Variants in ARHGAP10 observed in about 807,000 individuals in gnomAD.
ARHGAP10 encodes the protein Rho GTPase activating protein 10, also known as rho GTPase-activating protein 10.
A neutral mutation model predicts 108.6 loss-of-function variants in ARHGAP10; 87 were observed. The ratio of observed to expected loss-of-function variants is 0.80; its 90% CI spans 0.67 to 0.96. The LOEUF is 0.96. Ranked by LOEUF, ARHGAP10 falls within the 40% of genes least tolerant of loss-of-function variation. The pLI is 0.00. For missense variants in ARHGAP10, 939 were observed against 954.5 expected (o/e 0.98, Z 0.21); for synonymous variants, 347 against 341.1 (o/e 1.02, Z -0.19).
intron 13 of ARHGAP10, among the ~76,000 whole-genome samples, chr4:147,935,918 C>A (rs1026995811): frequency 2.0e-5 from 3 of 152,196 alleles, no homozygotes; most frequent in African/African-American, 7.2e-5. Context: ...GCAATTACTT[C>A]TCTCAGGTTG....
At chr4:147,926,581 T>TGA (rs1335684976) in intron 13 of ARHGAP10, among the ~76,000 whole-genome samples, 1 of 152,212 alleles carries the variant, frequency 6.6e-6, no homozygotes, top group African/African-American at 2.4e-5. Flanking sequence ...AGAAATAGAA[T>TGA]GAAAGCAAGA....
intron 1 of ARHGAP10, among the ~76,000 whole-genome samples, chr4:147,790,174 C>T (rs1321518046): frequency 6.6e-6 from 1 of 152,002 alleles, no homozygotes; most frequent in Non-Finnish European, 1.5e-5. Context: ...TCCTGACTTG[C>T]ACGCCACCTT....
chr4:147,851,849 T>C (rs969505917), intron 4 of ARHGAP10, among the ~76,000 whole-genome samples: 1 of 152,178 alleles, frequency 6.6e-6, no homozygotes, highest in African/African-American at 2.4e-5. Flanking sequence ...TGTCCTGGGA[T>C]GTACTCTACC....
At chr4:147,952,355 A>G (rs999246439) in intron 15 of ARHGAP10, among the ~76,000 whole-genome samples, 1 of 152,168 alleles carries the variant, frequency 6.6e-6, no homozygotes, top group East Asian at 1.9e-4. Flanking sequence ...AAGTTGATGT[A>G]TTTCTTTACA....
At chr4:147,902,512 T>TGTCAGGAGTGACCTG (rs1560818113) in intron 10 of ARHGAP10, among the ~76,000 whole-genome samples, 1 of 152,110 alleles carries the variant, frequency 6.6e-6, no homozygotes, top group Non-Finnish European at 1.5e-5. Context: ...CCGATCACCT[T>TGTCAGGAGTGACCTG]GTCAGGAGTG....
chr4:147,841,895 C>G (rs1404104244), intron 3 of ARHGAP10, among the ~76,000 whole-genome samples: 1 of 152,132 alleles, frequency 6.6e-6, no homozygotes, highest in African/African-American at 2.4e-5. Flanking sequence ...AATTTGCTTA[C>G]CGATCTGAAG....
rs746561016 is a variant in ARHGAP10, at chr4:147,732,316, C to T, written c.15C>T (p.Pro5=). The T allele has an allele frequency of 3.7e-6, 6 of 1,612,346 alleles. No homozygotes were observed. The highest frequency in any genetic ancestry group is 2.2e-5 in the South Asian group (2 of 90,960). MGLQ[P]LEFSDCYLDS... Reference sequence around the variant, plus strand: ...CCGCTGCCGTCATGGGGCTGCAGCCCCTGGAGTTCAGCGACTGCTACCTCG... The same window carrying T: ...CCGCTGCCGTCATGGGGCTGCAGCCTCTGGAGTTCAGCGACTGCTACCTCG... Residue 5 remains proline (P), a synonymous_variant, in exon 1 of 23, where the codon CCC becomes CCT. Coordinates refer to ENST00000336498, the MANE Select transcript of ARHGAP10 (RefSeq NM_024605.4).
intron 6 of ARHGAP10, chr4:147,865,961 A>C (rs769678391): frequency 6.6e-6 from 1 of 152,244 alleles, no homozygotes; most frequent in Non-Finnish European, 1.5e-5. Flanking sequence ...CAATGAGGAG[A>C]TAAGGAAATA....
chr4:147,881,624 C>T lies in ARHGAP10; in HGVS notation c.940-214C>T, dbSNP rs983180337. Among the ~76,000 whole-genome samples, 11 of 152,206 alleles carry T rather than the reference C, an allele frequency of 7.2e-5. No individual in the cohort carries two copies. The South Asian group carries it at 8.3e-4, about 11-fold the overall frequency. ...CTGCACTCCAGCCTGGGTGAAAGAG[C>T]GAGGCTCCCTTCTCAAAAGAATCAG... On this transcript the variant is annotated intron_variant, in intron 9 of 22. Transcript: ENST00000336498.
At chr4:147,921,390 G>T (rs1270842324) in intron 13 of ARHGAP10, among the ~76,000 whole-genome samples, 2 of 152,174 alleles carry the variant, frequency 1.3e-5, no homozygotes, top group East Asian at 1.9e-4. Flanking sequence ...TGACGATTGG[G>T]TCTCTCTGCT....
At chr4:147,880,741 A>C (rs911918290) in intron 9 of ARHGAP10, among the ~76,000 whole-genome samples, 2 of 152,180 alleles carry the variant, frequency 1.3e-5, no homozygotes, top group Non-Finnish European at 2.9e-5. Context: ...TCACATAGGG[A>C]AGAGAGAAAT....
intron 18 of ARHGAP10, among the ~76,000 whole-genome samples, chr4:147,994,830 G>T (rs1407847759): frequency 6.6e-6 from 1 of 152,186 alleles, no homozygotes. Context: ...GTGGAAATGG[G>T]GGGAAATGAC....
chr4:147,745,789 C>CA (rs1728891585), intron 1 of ARHGAP10, among the ~76,000 whole-genome samples: 1 of 71,758 alleles, frequency 1.4e-5, no homozygotes, highest in Admixed American at 1.9e-4. Context: ...CTGTGCCCGG[C>CA]CTTTTTTTTT....
At chr4:147,865,144 G>C (rs771018959) in intron 6 of ARHGAP10, 188 bp downstream of exon 6, 12 of 556,476 alleles carry the variant, frequency 2.2e-5, no homozygotes, top group Non-Finnish European at 3.5e-5. Context: ...GTGGTTCTCA[G>C]CTGTATTTGC....
At chr4:147,980,497 TTTG>T (rs963536896) in intron 18 of ARHGAP10, among the ~76,000 whole-genome samples, 30 of 152,174 alleles carry the variant, frequency 2.0e-4, no homozygotes, top group African/African-American at 7.2e-4. Flanking sequence ...CATGTAGTTT[TTTG>T]TTGTTGTTTT....
At chr4:147,947,477 A>G (rs999134497) in intron 15 of ARHGAP10, among the ~76,000 whole-genome samples, 1 of 151,716 alleles carries the variant, frequency 6.6e-6, no homozygotes, top group Non-Finnish European at 1.5e-5. Context: ...ATCTTGGCTC[A>G]CTGCAACCTC....
intron 20 of ARHGAP10, among the ~76,000 whole-genome samples, chr4:148,050,612 A>G (rs1729094975): frequency 6.6e-6 from 1 of 151,880 alleles, no homozygotes; most frequent in Non-Finnish European, 1.5e-5. Context: ...TGACCTCGTG[A>G]TCCACCCACC....
chr4:148,052,125 T>C (rs1439648727), intron 20 of ARHGAP10, among the ~76,000 whole-genome samples: 3 of 152,158 alleles, frequency 2.0e-5, no homozygotes, highest in African/African-American at 7.2e-5. Flanking sequence ...TTTTAGATCA[T>C]TTTTAATAGA....
intron 18 of ARHGAP10, among the ~76,000 whole-genome samples, chr4:147,983,816 A>G (rs947192819): frequency 6.6e-6 from 1 of 152,158 alleles, no homozygotes; most frequent in African/African-American, 2.4e-5. Context: ...CATTCCGGTT[A>G]GAATCCATTG....
Sources: allele counts gnomAD v4.1 joint callset (sites outside exome capture counted in the v4.1 genomes callset), GRCh38; gene constraint gnomAD v4.1.1; transcripts MANE v1.5; gene names NCBI Gene and HGNC (gene_info 2026-07-23, HGNC 2026-07-21).